Variants in EI24 observed in about 807,000 individuals in gnomAD.
The protein encoded by EI24 is etoposide-induced protein 2.4 homolog.
EI24 carries 21 observed loss-of-function variants against 48.6 expected under a neutral mutation model. The observed-to-expected ratio is 0.43, with a 90% CI of 0.31 to 0.62. The LOEUF is 0.62. EI24 is among the 20% of genes least tolerant of loss of function. The probability of loss-of-function intolerance (pLI) is 0.10; values close to 1 mark genes in which losing one functional copy is unlikely to be tolerated. For missense variants in EI24, 280 were observed against 410.5 expected, an observed-to-expected ratio of 0.68 and a Z score of 2.75; for synonymous variants, 114 against 145.5, an observed-to-expected ratio of 0.78 and a Z score of 1.56.
chr11:125,573,679 CTTTTT>C (rs61292979), intron 2 of EI24: 4 of 93,230 alleles, frequency 4.3e-5, no homozygotes, highest in South Asian at 3.9e-4. Flanking sequence ...ATATGATCTC[CTTTTT>C]TTTTTTTTTT....
At chr11:125,582,569 AT>A (rs1385206441) in intron 10 of EI24, 149 bp downstream of exon 10, 1 of 626,892 alleles carries the variant, frequency 1.6e-6, no homozygotes, top group Admixed American at 3.3e-5. Context: ...CTTCTGGGAT[AT>A]AACCCAAACT....
At position 125,581,207 on chromosome 11, in the gene EI24, T is replaced by A. The variant is rs1244170347; in HGVS notation, c.674-4T>A. Reference sequence around the variant, plus strand: ...ATCTAATTGTATTGGCTTTCTTGTTTTAGGAATTGAAATGCACCAGCGGTT... The same window carrying A: ...ATCTAATTGTATTGGCTTTCTTGTTATAGGAATTGAAATGCACCAGCGGTT... On this transcript the variant is annotated splice_polypyrimidine_tract_variant and splice_region_variant and intron_variant, in intron 8 of 10. Coordinates refer to ENST00000278903, the MANE Select transcript of EI24 (RefSeq NM_004879.5). 1 of 1,604,516 alleles carries A rather than the reference T, an allele frequency of 6.2e-7. No homozygotes were observed. Among genetic ancestry groups the A allele is most frequent in the Non-Finnish European group, 8.5e-7 (1 of 1,173,066 alleles).
intron 1 of EI24, among the ~76,000 whole-genome samples, chr11:125,570,868 C>T (rs1938509346): frequency 6.6e-6 from 1 of 152,168 alleles, no homozygotes; most frequent in Admixed American, 6.5e-5. Context: ...AGTTATCTAG[C>T]TCAGCTGCCC....
chr11:125,573,518 A>G (rs1301419505), intron 2 of EI24: 2 of 392,206 alleles, frequency 5.1e-6, no homozygotes, highest in South Asian at 3.7e-5. Context: ...CCAAGGAGGC[A>G]GGATTGCTTG....
chr11:125,569,742 G>A (rs1938460577), intron 1 of EI24, 169 bp downstream of exon 1: 1 of 312,296 alleles, frequency 3.2e-6, no homozygotes, highest in Middle Eastern at 8.9e-4. Context: ...GCACATCCCC[G>A]GGCGAGGCTG....
chr11:125,574,494 C>T (rs1938655591), intron 2 of EI24, among the ~76,000 whole-genome samples: 1 of 152,218 alleles, frequency 6.6e-6, no homozygotes, highest in Non-Finnish European at 1.5e-5. Context: ...AATTTATGTT[C>T]CTGTTAACAG....
intron 3 of EI24, 68 bp from the exon 4 acceptor site, chr11:125,576,187 T>G: frequency 7.0e-7 from 1 of 1,427,614 alleles, no homozygotes; most frequent in South Asian, 1.2e-5. Context: ...AGATATAAAA[T>G]GAACTACTGA....
intron 9 of EI24, among the ~76,000 whole-genome samples, chr11:125,581,784 T>A (rs1378746360): frequency 1.3e-5 from 2 of 150,966 alleles, no homozygotes; most frequent in African/African-American, 4.9e-5. Flanking sequence ...TGACATCGAG[T>A]GATCCACCCA....
At chr11:125,575,560 G>T (rs1314521372) in intron 3 of EI24, among the ~76,000 whole-genome samples, 152 bp downstream of exon 3, 1 of 152,038 alleles carries the variant, frequency 6.6e-6, no homozygotes, top group Non-Finnish European at 1.5e-5. Flanking sequence ...TTAAACTAGG[G>T]TCTAACAATA....
At position 125,581,145 on chromosome 11, in the gene EI24, A is replaced by G. The variant is rs1938976639; in HGVS notation, c.674-66A>G. The G allele has an allele frequency of 1.3e-5, 11 of 866,540 alleles. No individual in the cohort carries two copies. The Admixed American group carries it at 1.3e-4, about 10-fold the overall frequency. 53.7% of individuals were successfully genotyped at this position (866,540 alleles called of 1,614,324 possible). The stretch of plus-strand genomic sequence containing the variant: ...ACCTAAAACTCATGGTTTGTCTACC[A>G]TAGTTACTTAGTCACTTGACTAAAA... On this transcript the variant is annotated intron_variant, in intron 8 of 10. Coordinates refer to ENST00000278903, the MANE Select transcript of EI24 (RefSeq NM_004879.5).
In EI24 at chr11:125,583,537, C is replaced by T. The variant is rs768981828; in HGVS notation, c.877C>T (p.Leu293Phe). The T allele has an allele frequency of 1.3e-6, 2 of 1,596,080 alleles. No homozygotes were observed. Among genetic ancestry groups the T allele is most frequent in the Admixed American group, 1.7e-5 (1 of 58,336 alleles). The change falls in exon 11 of 11, where the codon CTC becomes TTC. Residue 293 changes from leucine to phenylalanine, a missense_variant. By Grantham distance (22) the Leu-to-Phe change is conservative. Coordinates refer to ENST00000278903, the MANE Select transcript of EI24 (RefSeq NM_004879.5). ...GCCTTTTAGTCTCTTCCAGTTGCGC[C>T]TCTTCTCCTTGGTGGTCTTCTTAAG... ...PGKAYLFQLRLFSLVVFLSNR... is the reference protein window; with the variant it reads ...PGKAYLFQLRFFSLVVFLSNR...
At chr11:125,579,594 G>A (rs1001213750) in intron 7 of EI24, among the ~76,000 whole-genome samples, 1 of 152,128 alleles carries the variant, frequency 6.6e-6, no homozygotes, top group African/African-American at 2.4e-5. Flanking sequence ...TTGAACCCAG[G>A]AGGCAGAGAT....
intron 2 of EI24, among the ~76,000 whole-genome samples, chr11:125,574,511 C>T (rs531561513): frequency 6.6e-6 from 1 of 151,822 alleles, no homozygotes; most frequent in Non-Finnish European, 1.5e-5. Flanking sequence ...ACAGATAATA[C>T]ATCAACTTGC....
chr11:125,576,401 G>A, intron 4 of EI24, 86 bp downstream of exon 4: 1 of 1,200,328 alleles, frequency 8.3e-7, no homozygotes, highest in Non-Finnish European at 1.2e-6. Context: ...TTGAAACACT[G>A]AGACAAATAG....
At chr11:125,571,585 A>G (rs1402760035) in intron 1 of EI24, among the ~76,000 whole-genome samples, 1 of 152,218 alleles carries the variant, frequency 6.6e-6, no homozygotes, top group East Asian at 1.9e-4. Context: ...GTTAGAAAAC[A>G]GAAAAGACCA....
intron 2 of EI24, among the ~76,000 whole-genome samples, chr11:125,573,884 G>A (rs1046945294): frequency 1.7e-4 from 26 of 151,734 alleles, no homozygotes; most frequent in African/African-American, 6.3e-4. Context: ...GTTTCACCAT[G>A]TTGGCCAGGC....
At chr11:125,579,987 G>C in intron 7 of EI24, 106 bp from the exon 8 acceptor site, 1 of 911,272 alleles carries the variant, frequency 1.1e-6, no homozygotes, top group South Asian at 1.4e-5. Context: ...TTAGAAACTT[G>C]AGAAGCAGCT....
chr11:125,577,723 G>T (rs182753786), intron 5 of EI24, 153 bp downstream of exon 5: 1 of 661,752 alleles, frequency 1.5e-6, no homozygotes, highest in East Asian at 2.9e-5. Flanking sequence ...TTTATATTTC[G>T]TTATTCTCCT....
At position 125,569,502 on chromosome 11, in the gene EI24, T is replaced by C. The variant is rs1402380004; in HGVS notation, c.-142T>C. On this transcript the variant is annotated 5_prime_UTR_variant, in exon 1 of 11. Coordinates refer to ENST00000278903, the MANE Select transcript of EI24 (RefSeq NM_004879.5). ...AGTGCGGGCGCAGCGGCCCCGGCCC[T>C]GGAAGCGCCCCGGCGGAGCTGGCCT... 5.2e-6 allele frequency: 2 copies of C among 384,056 alleles called. No homozygotes were observed. Among genetic ancestry groups the C allele is most frequent in the Non-Finnish European group, 9.2e-6 (2 of 216,762 alleles). 23.8% of individuals were successfully genotyped at this position (384,056 alleles called of 1,614,324 possible).
Sources: allele counts gnomAD v4.1 joint callset (sites outside exome capture counted in the v4.1 genomes callset), GRCh38; gene constraint gnomAD v4.1.1; transcripts MANE v1.5; gene names NCBI Gene and HGNC (gene_info 2026-07-23, HGNC 2026-07-21).